The following ADI1 variants were observed in gnomAD, a reference collection of about 807,000 sequenced individuals.
The protein encoded by ADI1 is acireductone dioxygenase.
In ADI1, 21 loss-of-function variants were observed where a neutral mutation model predicts 18.7. That is an observed-to-expected ratio of 1.13 (90% confidence interval 0.80 to 1.62). ADI1 has a LOEUF of 1.62. Ranked by LOEUF, ADI1 falls within the 40% of genes most tolerant of loss-of-function variation. ADI1 has a pLI of 0.00. For missense variants in ADI1, 245 were observed against 254.9 expected (o/e 0.96, Z 0.26); for synonymous variants, 90 against 100.1 (o/e 0.90, Z 0.60).
In ADI1 at chr2:3,517,461, A is replaced by G. The variant is rs1667434164; in HGVS notation, c.120+1907T>C. On this transcript the variant is annotated intron_variant, in intron 1 of 3. Coordinates refer to ENST00000327435, the MANE Select transcript of ADI1 (RefSeq NM_018269.4). ...TTGTCTTCCAACAGCACTGATCCAGAATGGATATTAAGAAAGCATATAGGC... is the reference window on the plus strand; with the variant it reads ...TTGTCTTCCAACAGCACTGATCCAGGATGGATATTAAGAAAGCATATAGGC... 3.3e-5 allele frequency: 5 copies of G among 152,298 alleles called. No individual in the cohort carries two copies. In the South Asian group the frequency reaches 1.0e-3, roughly 32 times the overall value. The allele number at this position is 152,298 out of a possible 1,614,324, so 9.4% of individuals were successfully genotyped here. A position where few individuals can be genotyped will look rare whatever the true frequency, so the allele number is the denominator to read the frequency against.
chr2:3,509,512 T>A (rs1040866007), intron 2 of ADI1, among the ~76,000 whole-genome samples: 10 of 150,582 alleles, frequency 6.6e-5, no homozygotes, highest in African/African-American at 2.2e-4. Flanking sequence ...TAGAAACAAA[T>A]AAAAAAATCT....
At chr2:3,499,138 AGT>A (rs1666935789) in intron 3 of ADI1, 56 bp from the exon 4 acceptor site, 13 of 1,579,018 alleles carry the variant, frequency 8.2e-6, no homozygotes, top group Non-Finnish European at 1.1e-5. Context: ...CCTTCTACTT[AGT>A]ATTTATTAAC....
At chr2:3,504,235 G>A (rs770308223) in intron 2 of ADI1, among the ~76,000 whole-genome samples, 11 of 152,116 alleles carry the variant, frequency 7.2e-5, no homozygotes, top group East Asian at 1.9e-4. Context: ...ACAAACACAC[G>A]ACCTAACACT....
intron 1 of ADI1, chr2:3,514,907 C>A (rs1297466086): frequency 6.5e-7 from 1 of 1,533,014 alleles, no homozygotes; most frequent in Non-Finnish European, 8.8e-7. Flanking sequence ...ATTTCACGGA[C>A]ATCTATCAGT....
chr2:3,518,466 G>C lies in ADI1; in HGVS notation c.120+902C>G, dbSNP rs1667455336. On this transcript the variant is annotated intron_variant, in intron 1 of 3. Transcript: ENST00000327435. ...TGCAAAACCATTTGCAAATAAACAA[G>C]GTGAGCGGATCTGGACTGGTGCTGT... Among the ~76,000 whole-genome samples the C allele has an allele frequency of 2.0e-5, 3 of 152,322 alleles. No individual in the cohort carries two copies. The South Asian group carries it at 6.2e-4, about 32-fold the overall frequency.
Position 3,519,373 on chromosome 2 carries a change from A to G in ADI1, c.115T>C (p.Trp39Arg). Residue 39 changes from tryptophan to arginine, a missense_variant, in exon 1 of 4, where the codon TGG (tryptophan) becomes CGG (arginine). Physicochemically the swap from Trp to Arg is moderately radical, Grantham distance 101. Transcript: ENST00000327435. ...CGAGGCTTGGGCTCGCGTACCTTCC[A>G]GTAGAGCACCCCGAGCCGCCGCAGC... ...EQLRRLGVLY[W>R]KLDADKYEND... 7.0e-7 allele frequency: 1 copy of G among 1,432,294 alleles called. No homozygotes were observed. Among genetic ancestry groups the G allele is most frequent in the Non-Finnish European group, 9.1e-7 (1 of 1,100,328 alleles). 88.7% of individuals were successfully genotyped at this position (1,432,294 alleles called of 1,614,324 possible).
At chr2:3,501,041 C>T in intron 2 of ADI1, 48 bp from the exon 3 acceptor site, 1 of 1,503,560 alleles carries the variant, frequency 6.7e-7, no homozygotes, top group East Asian at 2.4e-5. Flanking sequence ...ACCTGTCACG[C>T]AAGCTCACAC....
intron 2 of ADI1, among the ~76,000 whole-genome samples, chr2:3,501,850 G>A (rs55954325): frequency 0.49 from 74,013 of 152,014 alleles, 21,128 homozygotes; most frequent in African/African-American, 0.81. Flanking sequence ...CTTTCTGAAA[G>A]TGTTTTCTTC....
chr2:3,514,720 A>T, intron 1 of ADI1: 1 of 1,497,822 alleles, frequency 6.7e-7, no homozygotes, highest in Non-Finnish European at 8.9e-7. Context: ...GGCAGAATTC[A>T]TCTGAACTCT....
At chr2:3,511,519 GA>G (rs1667294277) in intron 2 of ADI1, among the ~76,000 whole-genome samples, 1 of 152,178 alleles carries the variant, frequency 6.6e-6, no homozygotes, top group Admixed American at 6.5e-5. Context: ...GTGGTGACAG[GA>G]AGCACATGCT....
intron 2 of ADI1, among the ~76,000 whole-genome samples, chr2:3,504,258 G>A (rs1339043764): frequency 6.6e-6 from 1 of 152,172 alleles, no homozygotes; most frequent in East Asian, 1.9e-4. Context: ...GGAAACCAGT[G>A]GCAATCACAA....
At chr2:3,501,365 A>G (rs1028165332) in intron 2 of ADI1, among the ~76,000 whole-genome samples, 1 of 152,024 alleles carries the variant, frequency 6.6e-6, no homozygotes, top group African/African-American at 2.4e-5. Flanking sequence ...GCCCAACCTC[A>G]CACAACGAGA....
intron 3 of ADI1, chr2:3,500,457 G>T: frequency 2.5e-6 from 1 of 401,836 alleles, no homozygotes. Context: ...ACGGGCTGGG[G>T]TGACAACCCT....
At chr2:3,512,606 G>C (rs1398481213) in intron 2 of ADI1, among the ~76,000 whole-genome samples, 4 of 152,236 alleles carry the variant, frequency 2.6e-5, no homozygotes, top group African/African-American at 9.6e-5. Context: ...TGAGTGCACA[G>C]AGTGCAAGGG....
chr2:3,516,699 C>G, intron 1 of ADI1: 1 of 980,320 alleles, frequency 1.0e-6, no homozygotes, highest in Non-Finnish European at 1.2e-6. Context: ...CTATTTTTGT[C>G]ATTTTGTTAT....
intron 1 of ADI1, chr2:3,514,743 C>T: frequency 6.6e-7 from 1 of 1,522,936 alleles, no homozygotes; most frequent in Non-Finnish European, 8.8e-7. Flanking sequence ...TTTAAAACTA[C>T]TGGCAGTGAA....
rs1300811234 is a variant in ADI1, at chr2:3,503,487, G to T, written c.241-2494C>A. Among the ~76,000 whole-genome samples, 3 of 45,172 alleles carry T rather than the reference G, an allele frequency of 6.6e-5. No individual in the cohort carries two copies. In the African/African-American group the frequency reaches 2.1e-3, roughly 32 times the overall value. 29.6% of individuals were successfully genotyped at this position (45,172 alleles called of 152,430 possible). A position where few individuals can be genotyped will look rare whatever the true frequency, so the allele number is the denominator to read the frequency against. On this transcript the variant is annotated intron_variant, in intron 2 of 3. Coordinates refer to ENST00000327435, the MANE Select transcript of ADI1 (RefSeq NM_018269.4). ...CTCACACGTGTGCATTCACACTCAT[G>T]CACACGTACACACACACGCCTACAT...
intron 2 of ADI1, among the ~76,000 whole-genome samples, chr2:3,503,189 AC>A (rs1490072864): frequency 6.6e-6 from 1 of 151,022 alleles, no homozygotes; most frequent in Non-Finnish European, 1.5e-5. Flanking sequence ...TCACATGCAC[AC>A]ATACATGCAT....
Position 3,498,853 on chromosome 2 carries a change from A to T in ADI1, c.*110T>A. On this transcript the variant is annotated 3_prime_UTR_variant, in exon 4 of 4. Transcript: ENST00000327435. ...CAAATAATCTTACAAAGGAAAGATA[A>T]TCTAGCCTCAAGGCTATCCTCTAAA... The T allele has an allele frequency of 2.1e-6, 3 of 1,446,674 alleles. No individual in the cohort carries two copies. The highest frequency in any genetic ancestry group is 2.8e-5 in the South Asian group (2 of 70,622). 89.6% of individuals were successfully genotyped at this position (1,446,674 alleles called of 1,614,324 possible).
Sources: gnomAD v4.1 joint callset for allele counts (sites outside exome capture counted in the v4.1 genomes callset) on GRCh38, gnomAD v4.1.1 for gene constraint, MANE v1.5 for transcripts, NCBI Gene and HGNC (gene_info 2026-07-23, HGNC 2026-07-21) for gene names.